The following SEMA6D variants were observed in gnomAD, a reference collection of about 807,000 sequenced individuals.
SEMA6D encodes the protein semaphorin 6D, also known as semaphorin-6D.
SEMA6D carries 35 observed loss-of-function variants against 106.6 expected under a neutral mutation model. The observed-to-expected ratio is 0.33, with a 90% CI of 0.25 to 0.44. The LOEUF is 0.44. Among genes scored for constraint, SEMA6D ranks in the 20% least tolerant of loss-of-function variants. The pLI is 1.00. For missense variants in SEMA6D, 1,185 were observed against 1,345.9 expected (o/e 0.88, Z 1.87); for synonymous variants, 499 against 487.7 (o/e 1.02, Z -0.31).
intron 1 of SEMA6D, among the ~76,000 whole-genome samples, chr15:47,197,886 A>C (rs991695271): frequency 6.6e-6 from 1 of 152,020 alleles, no homozygotes; most frequent in Non-Finnish European, 1.5e-5. Context: ...TCAAAATACA[A>C]ATTTCTTTCT....
In SEMA6D at chr15:47,436,015, G is replaced by A. The variant is rs774785327; in HGVS notation, c.-159+23543G>A. Among the ~76,000 whole-genome samples the A allele has an allele frequency of 2.0e-5, 3 of 152,100 alleles. 1 individual carries two copies. Among genetic ancestry groups the A allele is most frequent in the South Asian group, 4.1e-4 (2 of 4,828 alleles). ...CAGTCTCTCATCTTCTGAGGGGGTT[G>A]AGTGTTTCAGCACTTTGGTCTTTTG... On this transcript the variant is annotated intron_variant, in intron 2 of 19. Coordinates refer to the SEMA6D transcript ENST00000558014.
At chr15:47,480,809 A>G (rs1241528484) in intron 3 of SEMA6D, among the ~76,000 whole-genome samples, 1 of 152,168 alleles carries the variant, frequency 6.6e-6, no homozygotes, top group African/African-American at 2.4e-5. Context: ...CAAAACCATA[A>G]TAACATAAAC....
At position 47,590,845 on chromosome 15, in the gene SEMA6D, C is replaced by T. The variant is rs1265534182; in HGVS notation, c.-86-10020C>T. 2.6e-5 allele frequency among the ~76,000 whole-genome samples: 4 copies of T among 152,184 alleles called. No individual in the cohort carries two copies. The South Asian group carries it at 8.3e-4, about 32-fold the overall frequency. On this transcript the variant is annotated intron_variant, in intron 3 of 19. Transcript: ENST00000558014. ...CCTGCCAACACCTTGATTTCAGACTCCTCACCTCAAAAACTGTGAGGAAAT... is the reference window on the plus strand; with the variant it reads ...CCTGCCAACACCTTGATTTCAGACTTCTCACCTCAAAAACTGTGAGGAAAT...
intron 4 of SEMA6D, among the ~76,000 whole-genome samples, chr15:47,687,475 A>C (rs2078494282): frequency 6.6e-6 from 1 of 152,170 alleles, no homozygotes; most frequent in South Asian, 2.1e-4. Context: ...GAAGATTTGG[A>C]ATTAGCTAAG....
chr15:47,747,830 A>G (rs1452375543), intron 1 of SEMA6D, among the ~76,000 whole-genome samples: 1 of 152,266 alleles, frequency 6.6e-6, no homozygotes, highest in Non-Finnish European at 1.5e-5. Flanking sequence ...CATTGGCCAA[A>G]GAAAAGAATT....
At chr15:47,729,974 GA>G (rs1171173813) in intron 1 of SEMA6D, among the ~76,000 whole-genome samples, 2 of 152,214 alleles carry the variant, frequency 1.3e-5, no homozygotes, top group African/African-American at 4.8e-5. Flanking sequence ...GAGAGGTGGT[GA>G]TGGGCGGGAG....
chr15:47,543,210 A>G (rs2142251831), intron 3 of SEMA6D, among the ~76,000 whole-genome samples: 1 of 152,248 alleles, frequency 6.6e-6, no homozygotes, highest in Non-Finnish European at 1.5e-5. Context: ...GCATAGTGCT[A>G]CAGAGGAATC....
intron 1 of SEMA6D, among the ~76,000 whole-genome samples, chr15:47,406,989 A>G (rs1348969488): frequency 1.3e-5 from 2 of 152,202 alleles, no homozygotes; most frequent in South Asian, 2.1e-4. Flanking sequence ...AAACAGAAAA[A>G]AGCAAACTGT....
At chr15:47,700,550 A>G (rs2078789658) in intron 4 of SEMA6D, among the ~76,000 whole-genome samples, 1 of 152,138 alleles carries the variant, frequency 6.6e-6, no homozygotes, top group African/African-American at 2.4e-5. Flanking sequence ...GAATAAATAA[A>G]TAATAAGTAA....
intron 3 of SEMA6D, among the ~76,000 whole-genome samples, chr15:47,577,433 C>T (rs2076174823): frequency 6.6e-6 from 1 of 152,208 alleles, no homozygotes. Context: ...CACATGGCTG[C>T]ATGAGGGCCT....
chr15:47,490,762 A>T (rs1052284633), intron 3 of SEMA6D, among the ~76,000 whole-genome samples: 7 of 152,258 alleles, frequency 4.6e-5, no homozygotes, highest in Non-Finnish European at 8.8e-5. Context: ...GCAAATAAGG[A>T]ACACACAAAT....
rs1285303971 is a variant in SEMA6D at position 47,494,920 on chromosome 15, T to C, written c.-87+24375T>C. Among the ~76,000 whole-genome samples, 5 of 150,786 alleles carry C rather than the reference T, an allele frequency of 3.3e-5. No homozygotes were observed. The East Asian group carries it at 9.8e-4, about 29-fold the overall frequency. On this transcript the variant is annotated intron_variant, in intron 3 of 19. Coordinates refer to the SEMA6D transcript ENST00000558014. ...TGCATTTAATCACAAACACAGTTAG[T>C]TGTTGGAAGAGAAATGCAGTTTTTT...
At chr15:47,623,060 C>T (rs546019320) in intron 4 of SEMA6D, among the ~76,000 whole-genome samples, 31 of 152,282 alleles carry the variant, frequency 2.0e-4, no homozygotes, top group Admixed American at 2.0e-3. Flanking sequence ...CCCTTCTCTT[C>T]CCCCCTCCCT....
At chr15:47,618,480 C>T (rs1596460998) in intron 4 of SEMA6D, among the ~76,000 whole-genome samples, 1 of 152,218 alleles carries the variant, frequency 6.6e-6, no homozygotes, top group East Asian at 1.9e-4. Flanking sequence ...AGCATTCAAT[C>T]AATGAGTTGC....
intron 1 of SEMA6D, among the ~76,000 whole-genome samples, chr15:47,196,023 A>AG (rs1292937181): frequency 1.0e-4 from 4 of 38,726 alleles, no homozygotes; most frequent in Admixed American, 4.6e-4. Context: ...GGAAAGTTTC[A>AG]GATTTTTTTT....
At chr15:47,256,415 ACAGT>A in intron 1 of SEMA6D, among the ~76,000 whole-genome samples, 1 of 152,318 alleles carries the variant, frequency 6.6e-6, no homozygotes, top group South Asian at 2.1e-4. Context: ...AGGTCGCATA[ACAGT>A]TTTGTTAAGT....
At chr15:47,617,132 C>T (rs2077021685) in intron 4 of SEMA6D, among the ~76,000 whole-genome samples, 1 of 152,100 alleles carries the variant, frequency 6.6e-6, no homozygotes, top group South Asian at 2.1e-4. Context: ...CCTGGTTAGT[C>T]AAGTTCAGTC....
chr15:47,760,238 A>G, intron 2 of SEMA6D, 66 bp from the exon 3 acceptor site: 3 of 1,097,472 alleles, frequency 2.7e-6, no homozygotes, highest in South Asian at 2.6e-5. Flanking sequence ...ACAGCTAATC[A>G]ATGCTGTTTA....
chr15:47,382,210 T>C (rs1817059776), intron 1 of SEMA6D, among the ~76,000 whole-genome samples: 1 of 152,136 alleles, frequency 6.6e-6, no homozygotes, highest in South Asian at 2.1e-4. Flanking sequence ...AGTCAAGCCT[T>C]TTAAGAAGGG....
Sources: gnomAD v4.1 joint callset for allele counts (sites outside exome capture counted in the v4.1 genomes callset) on GRCh38, gnomAD v4.1.1 for gene constraint, MANE v1.5 for transcripts, NCBI Gene and HGNC (gene_info 2026-07-23, HGNC 2026-07-21) for gene names.